The following ABL1 variants were observed in gnomAD, a reference collection of about 807,000 sequenced individuals.
ABL1 encodes tyrosine-protein kinase ABL1.
Under a neutral mutation model 94.7 loss-of-function variants are expected in ABL1, and 11 were observed. The ratio of observed to expected loss-of-function variants is 0.12; its 90% CI spans 0.07 to 0.19. The LOEUF (loss-of-function observed/expected upper bound fraction) is 0.19, where lower values mean the gene tolerates loss of function less well. Among genes scored for constraint, ABL1 ranks in the 10% least tolerant of loss-of-function variants. The pLI, the probability that ABL1 is intolerant of heterozygous loss-of-function variation, is 1.00. For missense variants in ABL1, 1,082 were observed against 1,489.4 expected (o/e 0.73, Z 4.50); for synonymous variants, 656 against 622.4 (o/e 1.05, Z -0.80).
Position 130,884,291 on chromosome 9 carries a change from G to A in ABL1, c.2001G>A (p.Gly667=), listed in dbSNP as rs2133035454. 1.2e-6 allele frequency: 2 copies of A among 1,606,490 alleles called. No homozygotes were observed. Among genetic ancestry groups the A allele is most frequent in the Non-Finnish European group, 1.7e-6 (2 of 1,176,654 alleles). Residue 667 remains glycine (G), a synonymous_variant, in exon 11 of 11, where the codon GGG becomes GGA. Transcript: ENST00000318560. This position sits in a 1 kb window ranked among gnomAD's most constrained non-coding sequence, Gnocchi z 5.6. ...AKSPKPSNGA[G]VPNGALRESG... is the part of the protein sequence containing the mutation. ...CCCCAAAGCCCAGCAATGGGGCTGG[G>A]GTCCCCAATGGAGCCCTCCGGGAGT... is the stretch of plus-strand genomic sequence containing the variant.
At chr9:130,789,844 A>C (rs1234400238) in intron 1 of ABL1, among the ~76,000 whole-genome samples, 2 of 152,246 alleles carry the variant, frequency 1.3e-5, no homozygotes, top group Admixed American at 6.5e-5. Flanking sequence ...GTGAACTAGA[A>C]GATAAGTCTG....
rs563003658 is a variant in ABL1 at position 130,861,046 on chromosome 9, G to A, written c.550-1717G>A. 3.9e-5 allele frequency among the ~76,000 whole-genome samples: 6 copies of A among 152,250 alleles called. No homozygotes were observed. In the South Asian group the frequency reaches 1.2e-3, roughly 32 times the overall value. On this transcript the variant is annotated intron_variant, in intron 3 of 10. Transcript: ENST00000318560. ...TGGGTCTGAGCGTGACTCATGGTGT[G>A]TGTCCCTAGAGCAGTTCACTCAGAG...
rs1831596041 is a variant in ABL1 at position 130,886,983 on chromosome 9, G to GT, written c.*1301dup. ...CAAACGGAGCCCCTGAAAGCCTCAC[G>GT]TATTTCACAGAGCACGCCTGCCATC... On this transcript the variant is annotated 3_prime_UTR_variant, in exon 11 of 11. Coordinates refer to ENST00000318560, the MANE Select transcript of ABL1 (RefSeq NM_005157.6). 1 of 232,696 alleles carries GT rather than the reference G, an allele frequency of 4.3e-6. No individual in the cohort carries two copies. The highest frequency in any genetic ancestry group is 8.5e-6 in the Non-Finnish European group (1 of 117,776). 14.4% of individuals were successfully genotyped at this position (232,696 alleles called of 1,614,324 possible).
chr9:130,730,707 G>A (rs1171294421), intron 1 of ABL1, among the ~76,000 whole-genome samples: 1 of 151,844 alleles, frequency 6.6e-6, no homozygotes, highest in Non-Finnish European at 1.5e-5. Context: ...GAGTAGCTGG[G>A]ACTATAGGTG....
chr9:130,855,192 C>A (rs1230063279), intron 3 of ABL1, 96 bp downstream of exon 3: 13 of 1,368,978 alleles, frequency 9.5e-6, no homozygotes, highest in Non-Finnish European at 1.3e-5. Context: ...AAAGCTCAAC[C>A]AAGAAGATGT....
chr9:130,767,419 G>A (rs754448682), intron 1 of ABL1, among the ~76,000 whole-genome samples: 2 of 152,108 alleles, frequency 1.3e-5, no homozygotes, highest in African/African-American at 4.8e-5. Context: ...TATAACCTCC[G>A]CCTCCCGGGT....
intron 1 of ABL1, among the ~76,000 whole-genome samples, chr9:130,772,738 G>A (rs867531421): frequency 6.6e-6 from 1 of 152,192 alleles, no homozygotes; most frequent in African/African-American, 2.4e-5. Context: ...AGAGGAAAAC[G>A]CAGGGCACAG....
intron 1 of ABL1, among the ~76,000 whole-genome samples, chr9:130,800,784 T>C (rs1830044209): frequency 6.6e-6 from 1 of 151,520 alleles, no homozygotes; most frequent in Admixed American, 6.6e-5. Flanking sequence ...AATTTATCCA[T>C]TTTACTAGTG....
intron 1 of ABL1, among the ~76,000 whole-genome samples, chr9:130,791,756 C>T (rs977695041): frequency 6.6e-6 from 1 of 152,176 alleles, no homozygotes; most frequent in Non-Finnish European, 1.5e-5. Flanking sequence ...GCACTGTTGG[C>T]TTCCCTGGTT....
At chr9:130,735,934 CATAT>C (rs71389344) in intron 1 of ABL1, among the ~76,000 whole-genome samples, 27 of 80,212 alleles carry the variant, frequency 3.4e-4, no homozygotes, top group African/African-American at 7.1e-4. Flanking sequence ...CATGTGTGTG[CATAT>C]ATATATATAT....
At chr9:130,838,065 A>G (rs576869270) in intron 1 of ABL1, among the ~76,000 whole-genome samples, 11 of 152,388 alleles carry the variant, frequency 7.2e-5, no homozygotes, top group Admixed American at 6.5e-4. Flanking sequence ...TATGTGCCAA[A>G]TACTGTTTTA....
chr9:130,871,381 G>A (rs533874010), intron 4 of ABL1, among the ~76,000 whole-genome samples: 5 of 152,172 alleles, frequency 3.3e-5, no homozygotes, highest in African/African-American at 4.8e-5. Context: ...TAGAAGTCAC[G>A]GCCTGTCTGT....
At chr9:130,849,234 C>A (rs141015540) in intron 1 of ABL1, among the ~76,000 whole-genome samples, 2 of 152,214 alleles carry the variant, frequency 1.3e-5, no homozygotes, top group Admixed American at 1.3e-4. Flanking sequence ...TTGCCCTTTT[C>A]TGTGCTGTTG....
Position 130,863,107 on chromosome 9 carries a change from G to A in ABL1, c.822+72G>A. The A allele has an allele frequency of 6.8e-7, 1 of 1,471,952 alleles. No individual in the cohort carries two copies. The highest frequency in any genetic ancestry group is 2.4e-5 in the East Asian group (1 of 41,360). The allele number at this position is 1,471,952 out of a possible 1,614,324, so 91.2% of individuals were successfully genotyped here. On this transcript the variant is annotated intron_variant, in intron 4 of 10. Coordinates refer to ENST00000318560, the MANE Select transcript of ABL1 (RefSeq NM_005157.6). The surrounding 1 kb of genome is among the most constrained non-coding windows in gnomAD (Gnocchi z 4.3). ...TCTGCTGGCATTAGGCGATGCATCT[G>A]CCTGGAAGTCTACCTCCTGCCTGCT...
At chr9:130,848,568 G>A (rs975390209) in intron 1 of ABL1, among the ~76,000 whole-genome samples, 7 of 150,922 alleles carry the variant, frequency 4.6e-5, no homozygotes, top group Non-Finnish European at 1.0e-4. Flanking sequence ...GCTTTTTTAT[G>A]TTTGTCATTG....
At chr9:130,734,484 G>A (rs913524489) in intron 1 of ABL1, among the ~76,000 whole-genome samples, 7 of 149,904 alleles carry the variant, frequency 4.7e-5, no homozygotes, top group African/African-American at 1.7e-4. Context: ...CAAAGTGCTG[G>A]GATTACAGGT....
At chr9:130,819,663 C>G (rs1830334242) in intron 1 of ABL1, among the ~76,000 whole-genome samples, 2 of 151,306 alleles carry the variant, frequency 1.3e-5, no homozygotes, top group Admixed American at 1.3e-4. Flanking sequence ...CTCAGCCTCC[C>G]CAGTAGCTGG....
intron 1 of ABL1, among the ~76,000 whole-genome samples, chr9:130,806,681 A>G (rs555446287): frequency 6.6e-6 from 1 of 152,334 alleles, no homozygotes; most frequent in South Asian, 2.1e-4. Context: ...ATAAAATGTT[A>G]TATGTCTTAA....
intron 6 of ABL1, among the ~76,000 whole-genome samples, chr9:130,874,179 G>A (rs1354582779): frequency 1.3e-5 from 2 of 152,070 alleles, no homozygotes; most frequent in East Asian, 3.9e-4. Flanking sequence ...CGCTCTTCCC[G>A]TTTGCCTTGT....
Sources: gnomAD v4.1 joint callset for allele counts (sites outside exome capture counted in the v4.1 genomes callset) on GRCh38, gnomAD v4.1.1 for gene constraint, Gnocchi (gnomAD v3.1) non-coding constraint, MANE v1.5 for transcripts, NCBI Gene and HGNC (gene_info 2026-07-23, HGNC 2026-07-21) for gene names.